HACE1: variants seen among roughly 807,000 people sequenced by gnomAD.
HACE1 encodes the protein E3 ubiquitin-protein ligase HACE1.
In HACE1, 73 loss-of-function variants were observed where a neutral mutation model predicts 118.4. That is an observed-to-expected ratio of 0.62 (90% CI 0.51 to 0.75). HACE1 has a LOEUF of 0.75. Ranked by LOEUF, HACE1 falls within the 30% of genes least tolerant of loss-of-function variation. HACE1 has a pLI of 0.00. For synonymous variants in HACE1, 368 were observed against 374.8 expected (o/e 0.98, Z 0.21); for missense variants, 749 against 1,102.2 (o/e 0.68, Z 4.54).
intron 11 of HACE1, among the ~76,000 whole-genome samples, chr6:104,790,890 A>G (rs1233191364): frequency 1.4e-5 from 2 of 147,242 alleles, no homozygotes; most frequent in African/African-American, 2.6e-5. Flanking sequence ...TGTTTACTTC[A>G]TAAAATTATA....
intron 14 of HACE1, among the ~76,000 whole-genome samples, chr6:104,780,012 A>C (rs1289911630): frequency 6.6e-6 from 1 of 152,124 alleles, no homozygotes; most frequent in Non-Finnish European, 1.5e-5. Flanking sequence ...CCAAAGAGAA[A>C]AATACATTAA....
intron 22 of HACE1, among the ~76,000 whole-genome samples, chr6:104,735,695 C>T (rs970837151): frequency 1.6e-4 from 25 of 151,888 alleles, no homozygotes; most frequent in African/African-American, 6.0e-4. Flanking sequence ...CTCTCATTCT[C>T]TACTGACATC....
intron 7 of HACE1, among the ~76,000 whole-genome samples, chr6:104,809,260 T>C (rs1771345210): frequency 6.6e-6 from 1 of 152,080 alleles, no homozygotes; most frequent in Non-Finnish European, 1.5e-5. Flanking sequence ...AGAAAGTAAA[T>C]AAACAACTAC....
chr6:104,833,028 A>G lies in HACE1; in HGVS notation c.534+14T>C. On this transcript the variant is annotated intron_variant, in intron 6 of 23. Coordinates refer to ENST00000262903, the MANE Select transcript of HACE1 (RefSeq NM_020771.4). Reference sequence around the variant, plus strand: ...CAAACACATGCAGCTTAAAGTCCTCATGGCTCAACTTACCGTCTTGTGACC... The same window carrying G: ...CAAACACATGCAGCTTAAAGTCCTCGTGGCTCAACTTACCGTCTTGTGACC... 1 of 1,611,762 alleles carries G rather than the reference A, an allele frequency of 6.2e-7. No homozygotes were observed. The highest frequency in any genetic ancestry group is 8.5e-7 in the Non-Finnish European group (1 of 1,177,794).
intron 5 of HACE1, among the ~76,000 whole-genome samples, chr6:104,838,728 G>A (rs1376581374): frequency 2.0e-5 from 3 of 151,098 alleles, no homozygotes; most frequent in African/African-American, 4.9e-5. Context: ...AAGCAAAAAC[G>A]GACAAATAGG....
rs115118923 is a variant in HACE1 at position 104,747,662 on chromosome 6, C to T, written c.2343+2679G>A. ...GTTCATAGCCTATCACTAACACATG[C>T]TCTATGACCATGAACAAGTTCCATA... On this transcript the variant is annotated intron_variant, in intron 20 of 23. Transcript: ENST00000262903. Among the ~76,000 whole-genome samples, 1,008 of 152,076 alleles carry T rather than the reference C, an allele frequency of 6.6e-3. 10 individuals are homozygous for T. The highest frequency in any genetic ancestry group is 0.023 in the African/African-American group (962 of 41,460).
intron 6 of HACE1, among the ~76,000 whole-genome samples, chr6:104,817,413 T>C (rs2114999635): frequency 6.6e-6 from 1 of 152,282 alleles, no homozygotes; most frequent in South Asian, 2.1e-4. Flanking sequence ...CTCTCTCTCC[T>C]GCTGCCATGT....
intron 4 of HACE1, among the ~76,000 whole-genome samples, chr6:104,844,219 T>C (rs1224882048): frequency 6.6e-6 from 1 of 151,966 alleles, no homozygotes; most frequent in Non-Finnish European, 1.5e-5. Context: ...GTATTTTTAG[T>C]AGAAACGGGG....
At chr6:104,823,330 A>C (rs1439473797) in intron 6 of HACE1, among the ~76,000 whole-genome samples, 1 of 151,992 alleles carries the variant, frequency 6.6e-6, no homozygotes, top group Non-Finnish European at 1.5e-5. Context: ...GCTACTTCGG[A>C]GGCTGACGCA....
Position 104,776,824 on chromosome 6 carries a change from T to TG in HACE1, c.1780dup (p.Gln594ProfsTer6). The TG allele has an allele frequency of 6.3e-7, 1 of 1,599,486 alleles. No individual in the cohort carries two copies. The highest frequency in any genetic ancestry group is 1.3e-5 in the African/African-American group (1 of 74,768). ...ATCAAACCACTCACGCACAACACCTTGACCCTGAATTCAAGAAATAAAATT... is the reference window on the plus strand; with the variant it reads ...ATCAAACCACTCACGCACAACACCTTGGACCCTGAATTCAAGAAATAAAATT... On this transcript the variant is annotated frameshift_variant, in exon 17 of 24. Coordinates refer to ENST00000262903, the MANE Select transcript of HACE1 (RefSeq NM_020771.4). LOFTEE classifies it high-confidence loss of function.
intron 9 of HACE1, 49 bp from the exon 10 acceptor site, chr6:104,795,734 A>G (rs1769550447): frequency 9.0e-7 from 1 of 1,112,290 alleles, no homozygotes; most frequent in Non-Finnish European, 1.4e-6. Flanking sequence ...AATCCATTAA[A>G]TCTTATCAAA....
intron 5 of HACE1, among the ~76,000 whole-genome samples, chr6:104,842,835 G>C (rs913986608): frequency 6.6e-6 from 1 of 152,116 alleles, no homozygotes; most frequent in African/African-American, 2.4e-5. Context: ...ACACAGGCCA[G>C]GTGCGGTGGC....
chr6:104,805,983 A>G (rs1326488145), intron 7 of HACE1, among the ~76,000 whole-genome samples: 1 of 152,202 alleles, frequency 6.6e-6, no homozygotes, highest in Admixed American at 6.5e-5. Context: ...ACCATGTATA[A>G]GCAGGACAAT....
intron 5 of HACE1, among the ~76,000 whole-genome samples, chr6:104,842,505 G>C (rs1775219636): frequency 6.6e-6 from 1 of 151,822 alleles, no homozygotes; most frequent in Non-Finnish European, 1.5e-5. Context: ...AATACAGGGA[G>C]TGCTCATTCC....
chr6:104,829,260 T>C lies in HACE1; in HGVS notation c.534+3782A>G, dbSNP rs553979727. Among the ~76,000 whole-genome samples, 5 of 152,246 alleles carry C rather than the reference T, an allele frequency of 3.3e-5. No individual in the cohort carries two copies. In the South Asian group the frequency reaches 8.3e-4, roughly 25 times the overall value. On this transcript the variant is annotated intron_variant, in intron 6 of 23. Coordinates refer to ENST00000262903, the MANE Select transcript of HACE1 (RefSeq NM_020771.4). ...ACTCAGTGTTCAACTTATGGAAAGA[T>C]ATACAAATGGTTTTTAATAAATCAG...
chr6:104,760,115 A>G (rs1779173248), intron 19 of HACE1, among the ~76,000 whole-genome samples: 1 of 152,230 alleles, frequency 6.6e-6, no homozygotes, highest in Admixed American at 6.5e-5. Flanking sequence ...ATTCTACCAG[A>G]GGTACAAAGA....
chr6:104,855,095 T>C (rs987567356), intron 1 of HACE1, among the ~76,000 whole-genome samples: 2 of 152,136 alleles, frequency 1.3e-5, no homozygotes, highest in African/African-American at 4.8e-5. Flanking sequence ...AAGTACTAGT[T>C]AAGTAACAAG....
At chr6:104,755,364 A>C (rs1243144128) in intron 19 of HACE1, among the ~76,000 whole-genome samples, 1 of 152,226 alleles carries the variant, frequency 6.6e-6, no homozygotes, top group African/African-American at 2.4e-5. Flanking sequence ...AATATTAGAC[A>C]GATCATCAAG....
chr6:104,767,490 C>T lies in HACE1; in HGVS notation c.2211+3703G>A, dbSNP rs536180287. On this transcript the variant is annotated intron_variant, in intron 19 of 23. Coordinates refer to ENST00000262903, the MANE Select transcript of HACE1 (RefSeq NM_020771.4). ...TGACTCTAGTACCGCCCCATTTCAA[C>T]CCATTTTTCACACTCCAAGCTGAGT... Among the ~76,000 whole-genome samples the T allele has an allele frequency of 1.6e-4, 25 of 152,266 alleles. No individual in the cohort carries two copies. In the East Asian group the frequency reaches 3.9e-3, roughly 23 times the overall value.
Sources: allele counts gnomAD v4.1 joint callset (sites outside exome capture counted in the v4.1 genomes callset), GRCh38; gene constraint gnomAD v4.1.1; transcripts MANE v1.5; gene names NCBI Gene and HGNC (gene_info 2026-07-23, HGNC 2026-07-21).